The following ST14 variants were observed in gnomAD, a reference collection of about 807,000 sequenced individuals.
ST14 encodes the protein ST14 transmembrane serine protease matriptase.
In ST14, 40 loss-of-function variants were observed where a neutral mutation model predicts 96.5. The observed-to-expected ratio is 0.41, with a 90% CI of 0.32 to 0.54. The LOEUF (loss-of-function observed/expected upper bound fraction) is 0.54, where lower values mean the gene tolerates loss of function less well. ST14 is among the 20% of genes least tolerant of loss of function. ST14 has a pLI of 0.17. For missense variants in ST14, 1,066 were observed against 1,188.9 expected, an observed-to-expected ratio of 0.90 and a Z score of 1.52; for synonymous variants, 506 against 492.1, an observed-to-expected ratio of 1.03 and a Z score of -0.37.
At position 130,200,011 on chromosome 11, in the gene ST14, A is replaced by C; in HGVS notation, c.1868A>C (p.Glu623Ala). 6.2e-7 allele frequency: 1 copy of C among 1,614,116 alleles called. No homozygotes were observed. The highest frequency in any genetic ancestry group is 8.5e-7 in the Non-Finnish European group (1 of 1,179,998). Reference protein sequence around the residue: ...ARVVGGTDADEGEWPWQVSLH... With the variant: ...ARVVGGTDADAGEWPWQVSLH... The stretch of plus-strand genomic sequence containing the variant: ...GTTGTTGGGGGCACGGATGCGGATG[A>C]GGGCGAGTGGCCCTGGCAGGTAAGC... The change falls in exon 16 of 19, where the codon GAG becomes GCG. Residue 623 changes from glutamate to alanine, a missense_variant. Physicochemically the swap from Glu to Ala is moderately radical, Grantham distance 107. Coordinates refer to ENST00000278742, the MANE Select transcript of ST14 (RefSeq NM_021978.4).
chr11:130,209,517 A>G lies in ST14; in HGVS notation c.2345A>G (p.Gln782Arg). 1.3e-6 allele frequency: 2 copies of G among 1,583,054 alleles called. No homozygotes were observed. Among genetic ancestry groups the G allele is most frequent in the South Asian group, 1.1e-5 (1 of 87,416 alleles). Residue 782 changes from glutamine (Q) to arginine (R), a missense_variant, in exon 18 of 19, where the codon CAG becomes CGG. By Grantham distance (43) the Gln-to-Arg change is conservative. Transcript: ENST00000278742. ...ACCACCTGCGAGAACCTCCTGCCGC[A>G]GCAGATCACGCCGCGCATGATGTGC... ...NQTTCENLLP[Q>R]QITPRMMCVG... is the part of the protein sequence containing the mutation.
At chr11:130,206,101 CT>C (rs758189400) in intron 16 of ST14, among the ~76,000 whole-genome samples, 11 of 152,314 alleles carry the variant, frequency 7.2e-5, no homozygotes, top group Non-Finnish European at 1.3e-4. Context: ...AACAGTTTCT[CT>C]ACGCCTTTTA....
intron 1 of ST14, among the ~76,000 whole-genome samples, chr11:130,175,734 G>C (rs1308351101): frequency 6.6e-6 from 1 of 151,136 alleles, no homozygotes; most frequent in Non-Finnish European, 1.5e-5. Context: ...TGCGATCTCG[G>C]CTCACTGCAA....
chr11:130,184,274 A>G (rs950667776), intron 1 of ST14, among the ~76,000 whole-genome samples: 6 of 152,216 alleles, frequency 3.9e-5, no homozygotes, highest in South Asian at 2.1e-4. Flanking sequence ...TAATACCTCA[A>G]TGAAGCTGCT....
chr11:130,194,075 G>A, intron 7 of ST14, 74 bp from the exon 8 acceptor site: 1 of 1,608,662 alleles, frequency 6.2e-7, no homozygotes, highest in Non-Finnish European at 8.5e-7. Context: ...ACCTCTGCCT[G>A]AGAGCCTGGT....
chr11:130,194,844 ATGTGTGCATGTGTG>A, intron 9 of ST14, 107 bp downstream of exon 9: 1 of 882,794 alleles, frequency 1.1e-6, no homozygotes, highest in Non-Finnish European at 1.7e-6. Context: ...GTGTTTGCAT[ATGTGTGCATGTGTG>A]TGTGTGTGTG....
At chr11:130,175,110 C>A (rs1010744118) in intron 1 of ST14, among the ~76,000 whole-genome samples, 4 of 152,120 alleles carry the variant, frequency 2.6e-5, no homozygotes, top group Non-Finnish European at 5.9e-5. Flanking sequence ...GAATTTCAAG[C>A]GGAATGGCAA....
At chr11:130,209,371 G>A in intron 17 of ST14, 71 bp from the exon 18 acceptor site, 2 of 1,543,582 alleles carry the variant, frequency 1.3e-6, no homozygotes, top group South Asian at 1.2e-5. Context: ...CCAATGACCC[G>A]TGGGGAGCGT....
chr11:130,190,571 A>G lies in ST14; in HGVS notation c.752A>G (p.Asp251Gly). ...HARCQWALRG[D>G]ADSVLSLTFR... ...CGCTGCCAGTGGGCCCTGCGGGGGG[A>G]CGCCGACTCAGTGCTGAGCCTCACC... The change falls in exon 7 of 19, where the codon GAC (aspartate) becomes GGC (glycine). Residue 251 changes from aspartate (D) to glycine (G), a missense_variant. Asp to Gly is a moderately conservative substitution (Grantham distance 94). Transcript: ENST00000278742. 2 of 1,611,916 alleles carry G rather than the reference A, an allele frequency of 1.2e-6. No homozygotes were observed. Among genetic ancestry groups the G allele is most frequent in the Non-Finnish European group, 1.7e-6 (2 of 1,179,758 alleles).
Position 130,188,750 on chromosome 11 carries a change from G to A in ST14, c.369+93G>A. 1.9e-6 allele frequency: 3 copies of A among 1,610,114 alleles called. No homozygotes were observed. Among genetic ancestry groups the A allele is most frequent in the South Asian group, 2.2e-5 (2 of 90,896 alleles). On this transcript the variant is annotated intron_variant, in intron 3 of 18. Transcript: ENST00000278742. This position sits in a 1 kb window ranked among gnomAD's most constrained non-coding sequence, Gnocchi z 5.4. ...GACATGCCTCGCCTGTGCTCCCAGG[G>A]CCCTGGGATGGGGGTGATCTGCAAA...
chr11:130,170,688 C>T (rs1953083965), intron 1 of ST14, among the ~76,000 whole-genome samples: 1 of 151,830 alleles, frequency 6.6e-6, no homozygotes, highest in African/African-American at 2.4e-5. Flanking sequence ...TCCTAACAGG[C>T]TTGGGGGCCT....
chr11:130,188,559 A>G lies in ST14; in HGVS notation c.271A>G (p.Asn91Asp). The G allele has an allele frequency of 6.2e-7, 1 of 1,614,192 alleles. No individual in the cohort carries two copies. The change falls in exon 3 of 19, where the codon AAT becomes GAT. Residue 91 changes from asparagine to aspartate, a missense_variant. Coordinates refer to ENST00000278742, the MANE Select transcript of ST14 (RefSeq NM_021978.4). The surrounding 1 kb of genome is among the most constrained non-coding windows in gnomAD (Gnocchi z 5.4). ...GGACGTGCGTGTCCAGAAGGTCTTC[A>G]ATGGCTACATGAGGATCACAAATGA... Reference protein sequence around the residue: ...YRDVRVQKVFNGYMRITNENF... With the variant: ...YRDVRVQKVFDGYMRITNENF...
rs1033492416 is a variant in ST14 at position 130,187,792 on chromosome 11, A to G, written c.82-322A>G. Among the ~76,000 whole-genome samples, 1 of 152,168 alleles carries G rather than the reference A, an allele frequency of 6.6e-6. No homozygotes were observed. The highest frequency in any genetic ancestry group is 2.4e-5 in the African/African-American group (1 of 41,448). ...ATTCACTGAAGGGGAGACCTGGATG[A>G]CCGGGTTCGACAGCCCTTCATTGCG... is the stretch of plus-strand genomic sequence containing the variant. On this transcript the variant is annotated intron_variant, in intron 1 of 18. Coordinates refer to ENST00000278742, the MANE Select transcript of ST14 (RefSeq NM_021978.4). This position sits in a 1 kb window ranked among gnomAD's most constrained non-coding sequence, Gnocchi z 4.5.
intron 1 of ST14, among the ~76,000 whole-genome samples, chr11:130,174,388 T>A (rs1280699032): frequency 6.6e-6 from 1 of 152,074 alleles, no homozygotes; most frequent in Non-Finnish European, 1.5e-5. Context: ...GGAAAATTTA[T>A]CAAAAACCCA....
intron 1 of ST14, among the ~76,000 whole-genome samples, chr11:130,170,558 G>C (rs1953081732): frequency 1.3e-5 from 2 of 152,078 alleles, no homozygotes; most frequent in Admixed American, 6.6e-5. Context: ...GAGGATTCCT[G>C]GCAAGGCTCA....
In ST14 at chr11:130,187,966, A is replaced by G; in HGVS notation, c.82-148A>G. The G allele has an allele frequency of 8.9e-7, 1 of 1,126,728 alleles. No homozygotes were observed. The highest frequency in any genetic ancestry group is 1.4e-5 in the South Asian group (1 of 69,496). 69.8% of individuals were successfully genotyped at this position (1,126,728 alleles called of 1,614,324 possible). On this transcript the variant is annotated intron_variant, in intron 1 of 18. Transcript: ENST00000278742. This position sits in a 1 kb window ranked among gnomAD's most constrained non-coding sequence, Gnocchi z 4.5. ...GTCTGCGCTCTGGGCAGTGGTCCCCATGCCTCTGGGGGAAGCCCCCTTCTT... is the reference window on the plus strand; with the variant it reads ...GTCTGCGCTCTGGGCAGTGGTCCCCGTGCCTCTGGGGGAAGCCCCCTTCTT...
Position 130,187,371 on chromosome 11 carries a change from G to A in ST14, c.82-743G>A, listed in dbSNP as rs1953248113. 6.6e-6 allele frequency among the ~76,000 whole-genome samples: 1 copy of A among 152,150 alleles called. No homozygotes were observed. The highest frequency in any genetic ancestry group is 6.5e-5 in the Admixed American group (1 of 15,286). The stretch of plus-strand genomic sequence containing the variant: ...GATACCCTTGGCAGGGAGGAACCCG[G>A]GGAAGTTGCCATCCTGTCTTTTGGG... On this transcript the variant is annotated intron_variant, in intron 1 of 18. Coordinates refer to ENST00000278742, the MANE Select transcript of ST14 (RefSeq NM_021978.4). This position sits in a 1 kb window ranked among gnomAD's most constrained non-coding sequence, Gnocchi z 4.5.
Position 130,188,053 on chromosome 11 carries a change from A to G in ST14, c.82-61A>G, listed in dbSNP as rs1365349485. The G allele has an allele frequency of 9.4e-6, 15 of 1,590,464 alleles. No homozygotes were observed. Among genetic ancestry groups the G allele is most frequent in the Non-Finnish European group, 1.7e-6 (2 of 1,163,306 alleles). On this transcript the variant is annotated intron_variant, in intron 1 of 18. Coordinates refer to ENST00000278742, the MANE Select transcript of ST14 (RefSeq NM_021978.4). This position sits in a 1 kb window ranked among gnomAD's most constrained non-coding sequence, Gnocchi z 5.4. ...CTCACAAAATGTGAACATCTTCCCCAGCGGGGTGCAGGGGAAGAGCGGGTG... is the reference window on the plus strand; with the variant it reads ...CTCACAAAATGTGAACATCTTCCCCGGCGGGGTGCAGGGGAAGAGCGGGTG...
At position 130,159,888 on chromosome 11, in the gene ST14, G is replaced by GCATGCGC; in HGVS notation, c.-91_-90insATGCGCC. 1.3e-6 allele frequency: 1 copy of GCATGCGC among 752,258 alleles called. No homozygotes were observed. 46.6% of individuals were successfully genotyped at this position (752,258 alleles called of 1,614,324 possible). A position where few individuals can be genotyped will look rare whatever the true frequency, so the allele number is the denominator to read the frequency against. On this transcript the variant is annotated 5_prime_UTR_variant, in exon 1 of 19. It adds an upstream start codon to the 5' untranslated region. Coordinates refer to ENST00000278742, the MANE Select transcript of ST14 (RefSeq NM_021978.4). ...CGCTGGGCCTGCCCGGAATCCCGCC[G>GCATGCGC]CCTGCGCCCCGCGCCCCGCGCCCTG... is the stretch of plus-strand genomic sequence containing the variant.
Sources: gnomAD v4.1 joint callset for allele counts (sites outside exome capture counted in the v4.1 genomes callset) on GRCh38, gnomAD v4.1.1 for gene constraint, Gnocchi (gnomAD v3.1) non-coding constraint, MANE v1.5 for transcripts, NCBI Gene and HGNC (gene_info 2026-07-23, HGNC 2026-07-21) for gene names.